IMMP2L: variants seen among roughly 807,000 people sequenced by gnomAD.
IMMP2L encodes mitochondrial inner membrane protease subunit 2.
Under a neutral mutation model 19.3 loss-of-function variants are expected in IMMP2L, and 18 were observed. That is an observed-to-expected ratio of 0.93 (90% CI 0.64 to 1.38). IMMP2L has a LOEUF of 1.38. Among genes scored for constraint, IMMP2L ranks in the 40% most tolerant of loss-of-function variants. The pLI is 0.00. For missense variants in IMMP2L, 233 were observed against 218.2 expected, an observed-to-expected ratio of 1.07 and a Z score of -0.43; for synonymous variants, 76 against 73.0, an observed-to-expected ratio of 1.04 and a Z score of -0.21.
At chr7:111,032,218 G>A (rs1790900243) in intron 3 of IMMP2L, among the ~76,000 whole-genome samples, 1 of 152,180 alleles carries the variant, frequency 6.6e-6, no homozygotes, top group African/African-American at 2.4e-5. Flanking sequence ...TGGGATTACA[G>A]GCATGAGCCA....
intron 1 of IMMP2L, among the ~76,000 whole-genome samples, chr7:111,553,301 A>G (rs1258495057): frequency 6.6e-6 from 1 of 152,112 alleles, no homozygotes; most frequent in Non-Finnish European, 1.5e-5. Flanking sequence ...CTTTCTTCTC[A>G]ACTAAAATAA....
chr7:111,023,121 A>G (rs550658449), intron 3 of IMMP2L, among the ~76,000 whole-genome samples: 18 of 152,192 alleles, frequency 1.2e-4, no homozygotes, highest in Admixed American at 4.6e-4. Context: ...TGAGGATGTG[A>G]TGTGCGAAGC....
At chr7:111,342,089 A>C (rs1168752276) in intron 3 of IMMP2L, among the ~76,000 whole-genome samples, 1 of 152,154 alleles carries the variant, frequency 6.6e-6, no homozygotes, top group Non-Finnish European at 1.5e-5. Flanking sequence ...TTAAGAAAGA[A>C]CTTTAAGTAA....
intron 3 of IMMP2L, among the ~76,000 whole-genome samples, chr7:111,020,102 G>A (rs74337851): frequency 7.1e-6 from 1 of 141,550 alleles, no homozygotes; most frequent in Non-Finnish European, 1.5e-5. Flanking sequence ...AAAAAAAAAA[G>A]GCCTAGCACG....
At chr7:111,009,269 T>C (rs1331211981) in intron 3 of IMMP2L, among the ~76,000 whole-genome samples, 1 of 152,140 alleles carries the variant, frequency 6.6e-6, no homozygotes, top group Admixed American at 6.6e-5. Context: ...AGCCAAAATG[T>C]TCCTATTATT....
chr7:111,088,476 G>A (rs1222355796), intron 3 of IMMP2L, among the ~76,000 whole-genome samples: 1 of 151,858 alleles, frequency 6.6e-6, no homozygotes, highest in Non-Finnish European at 1.5e-5. Flanking sequence ...GAGAGAAGGA[G>A]GGAGAGTAAG....
intron 4 of IMMP2L, among the ~76,000 whole-genome samples, chr7:110,888,589 A>C (rs1278135084): frequency 2.0e-5 from 3 of 152,206 alleles, no homozygotes; most frequent in African/African-American, 7.2e-5. Context: ...TATGAAACCA[A>C]GATTGAGTTT....
chr7:111,393,952 T>A (rs1832630809), intron 3 of IMMP2L, among the ~76,000 whole-genome samples: 1 of 152,288 alleles, frequency 6.6e-6, no homozygotes, highest in Middle Eastern at 3.4e-3. Flanking sequence ...TTCTCACATT[T>A]TCAAAATTTC....
intron 4 of IMMP2L, among the ~76,000 whole-genome samples, chr7:110,901,830 T>A (rs571055655): frequency 6.6e-6 from 1 of 152,250 alleles, no homozygotes; most frequent in African/African-American, 2.4e-5. Context: ...TAGATTCTGA[T>A]TACAAACTAA....
chr7:110,854,973 T>C (rs933608341), intron 5 of IMMP2L, among the ~76,000 whole-genome samples: 4 of 151,994 alleles, frequency 2.6e-5, no homozygotes, highest in African/African-American at 7.2e-5. Flanking sequence ...ATGTGTCATA[T>C]TCCCAAACCC....
chr7:111,423,446 G>A lies in IMMP2L; in HGVS notation c.239+63792C>T, dbSNP rs1055459499. On this transcript the variant is annotated intron_variant, in intron 3 of 5. Coordinates refer to ENST00000405709, the MANE Select transcript of IMMP2L (RefSeq NM_032549.4). ...ACTTCTTCCTGGTTTAGTCTTGGGA[G>A]GCTGTATGTTTCCAGGAATTTATCC... 2.6e-5 allele frequency among the ~76,000 whole-genome samples: 4 copies of A among 151,732 alleles called. 1 individual carries two copies. Among genetic ancestry groups the A allele is most frequent in the Admixed American group, 1.3e-4 (2 of 15,252 alleles).
chr7:111,470,139 G>A (rs1841100312), intron 3 of IMMP2L, among the ~76,000 whole-genome samples: 1 of 152,110 alleles, frequency 6.6e-6, no homozygotes, highest in African/African-American at 2.4e-5. Flanking sequence ...CATCATCACT[G>A]GCCATCAGAG....
chr7:110,913,954 T>C (rs545874277), intron 4 of IMMP2L, among the ~76,000 whole-genome samples: 19 of 152,274 alleles, frequency 1.2e-4, no homozygotes, highest in African/African-American at 4.3e-4. Flanking sequence ...AGGTGTTTTT[T>C]TGCTAATAAT....
intron 5 of IMMP2L, among the ~76,000 whole-genome samples, chr7:110,814,231 G>A (rs1356609854): frequency 2.0e-5 from 3 of 151,866 alleles, no homozygotes; most frequent in Admixed American, 1.3e-4. Flanking sequence ...TTATGTCACA[G>A]GAATGGTGTA....
At chr7:111,272,713 C>G (rs1818597115) in intron 3 of IMMP2L, among the ~76,000 whole-genome samples, 1 of 152,162 alleles carries the variant, frequency 6.6e-6, no homozygotes, top group Non-Finnish European at 1.5e-5. Context: ...GGCTTATTCC[C>G]ACAGGACATC....
At chr7:110,729,988 TTTGGGAATC>T (rs1184224272) in intron 5 of IMMP2L, among the ~76,000 whole-genome samples, 1 of 152,130 alleles carries the variant, frequency 6.6e-6, no homozygotes, top group African/African-American at 2.4e-5. Context: ...CTTCTTTAGT[TTTGGGAATC>T]TATTGAACAT....
intron 5 of IMMP2L, among the ~76,000 whole-genome samples, chr7:110,744,182 G>T (rs1584691827): frequency 6.6e-6 from 1 of 152,142 alleles, no homozygotes; most frequent in African/African-American, 2.4e-5. Context: ...GCTCAGAAAG[G>T]CTGCTGCAGC....
chr7:110,907,929 T>C (rs900615851), intron 4 of IMMP2L, among the ~76,000 whole-genome samples: 1 of 152,044 alleles, frequency 6.6e-6, no homozygotes, highest in Non-Finnish European at 1.5e-5. Context: ...AGAAGTAAAG[T>C]AGGAGCCAAG....
chr7:111,380,028 G>A (rs1019328626), intron 3 of IMMP2L, among the ~76,000 whole-genome samples: 28 of 151,750 alleles, frequency 1.8e-4, no homozygotes, highest in African/African-American at 6.0e-4. Flanking sequence ...TAGCTCCATC[G>A]AAAACTCTTC....
Sources: gnomAD v4.1 joint callset for allele counts (sites outside exome capture counted in the v4.1 genomes callset) on GRCh38, gnomAD v4.1.1 for gene constraint, MANE v1.5 for transcripts, NCBI Gene and HGNC (gene_info 2026-07-23, HGNC 2026-07-21) for gene names.